Variants in PLXNA1 observed in about 807,000 individuals in gnomAD.
PLXNA1 encodes plexin-A1.
PLXNA1 carries 77 observed loss-of-function variants against 191.7 expected under a neutral mutation model. The ratio of observed to expected loss-of-function variants is 0.40; its 90% CI spans 0.33 to 0.49. The LOEUF (loss-of-function observed/expected upper bound fraction) is 0.49. PLXNA1 is among the 20% of genes least tolerant of loss of function. The pLI, the probability that PLXNA1 is intolerant of heterozygous loss-of-function variation, is 0.63. For synonymous variants in PLXNA1, 1,137 were observed against 1,156.4 expected (o/e 0.98, Z 0.34); for missense variants, 2,110 against 2,660.2 (o/e 0.79, Z 4.55).
At chr3:127,024,141 G>A (rs2079166198) in intron 23 of PLXNA1, among the ~76,000 whole-genome samples, 3 of 152,312 alleles carry the variant, frequency 2.0e-5, no homozygotes, top group South Asian at 2.1e-4. Flanking sequence ...AGCAGCAGGC[G>A]TCCTGGGTGA....
chr3:127,012,293 C>G (rs2079099941), intron 10 of PLXNA1, 135 bp downstream of exon 10: 3 of 915,682 alleles, frequency 3.3e-6, no homozygotes, highest in Admixed American at 2.4e-5. Context: ...GAGTCAGAAG[C>G]CACTCCTGGC....
At chr3:127,029,663 C>A in intron 27 of PLXNA1, 127 bp downstream of exon 27, 1 of 1,141,276 alleles carries the variant, frequency 8.8e-7, no homozygotes, top group East Asian at 2.5e-5. Flanking sequence ...GCCTGTCACT[C>A]GCACTCTTGG....
intron 17 of PLXNA1, 123 bp downstream of exon 17, chr3:127,017,160 C>T (rs1243667973): frequency 3.8e-6 from 4 of 1,051,632 alleles, no homozygotes; most frequent in Non-Finnish European, 4.2e-6. Context: ...TTATGCCAAC[C>T]TTGGCTGTGC....
At chr3:127,023,680 A>T (rs557861078) in intron 23 of PLXNA1, among the ~76,000 whole-genome samples, 1 of 152,344 alleles carries the variant, frequency 6.6e-6, no homozygotes, top group East Asian at 1.9e-4. Context: ...CTGCAGCCAG[A>T]TGCTGCTGAG....
At chr3:127,028,900 A>T in intron 25 of PLXNA1, 93 bp from the exon 26 acceptor site, 1 of 884,004 alleles carries the variant, frequency 1.1e-6, no homozygotes, top group Non-Finnish European at 1.8e-6. Flanking sequence ...TGGTGCTGAG[A>T]GCTGCAGGCA....
chr3:127,003,843 C>G (rs2079052862), intron 4 of PLXNA1, among the ~76,000 whole-genome samples: 2 of 152,216 alleles, frequency 1.3e-5, no homozygotes, highest in Admixed American at 1.3e-4. Flanking sequence ...CCACTGAGTC[C>G]TCAGGCCTAG....
At chr3:127,003,036 C>G (rs983535206) in intron 3 of PLXNA1, among the ~76,000 whole-genome samples, 4 of 152,174 alleles carry the variant, frequency 2.6e-5, no homozygotes, top group Non-Finnish European at 5.9e-5. Flanking sequence ...GTGGTGGGTG[C>G]TGGGCTGTGG....
In PLXNA1 at chr3:127,027,846, C is replaced by T. The variant is rs575651284; in HGVS notation, c.4363-94C>T. ...GGAAGTGCTGCTCATTTCTCCTTGC[C>T]AGGAACACCATGGCTGGCACTCGAC... On this transcript the variant is annotated intron_variant, in intron 23 of 31. Transcript: ENST00000393409. 9 of 1,545,016 alleles carry T rather than the reference C, an allele frequency of 5.8e-6. No homozygotes were observed. The African/African-American group carries it at 1.1e-4, about 19-fold the overall frequency.
chr3:127,025,087 C>T (rs1185800460), intron 23 of PLXNA1, among the ~76,000 whole-genome samples: 1 of 152,136 alleles, frequency 6.6e-6, no homozygotes, highest in Non-Finnish European at 1.5e-5. Context: ...CCACCCAGTG[C>T]CCCTCGTTTC....
rs896242925 is a variant in PLXNA1 at position 127,033,998 on chromosome 3, C to T, written c.5672C>T (p.Thr1891Met). 1.2e-5 allele frequency: 19 copies of T among 1,602,886 alleles called. No homozygotes were observed. The highest frequency in any genetic ancestry group is 1.5e-5 in the Non-Finnish European group (18 of 1,176,246). Residue 1891 changes from threonine to methionine, a missense_variant, in exon 32 of 32, where the codon ACG (threonine) becomes ATG (methionine). By Grantham distance (81) the Thr-to-Met change is moderately conservative (BLOSUM62 -1). Coordinates refer to ENST00000393409, the MANE Select transcript of PLXNA1 (RefSeq NM_032242.4). The part of the protein sequence containing the change: ...LRSKLEQVVD[T>M]MALSS The stretch of plus-strand genomic sequence containing the variant: ...AGCAAGCTGGAGCAGGTGGTGGACA[C>T]GATGGCCCTGAGCAGCTGAGCCCCA...
rs146539385 is a variant in PLXNA1, at chr3:127,011,938, C to G, written c.2113-20C>G. 9.0e-5 allele frequency: 144 copies of G among 1,606,182 alleles called. 2 individuals carry two copies. In the East Asian group the frequency reaches 3.2e-3, roughly 36 times the overall value. ...ACTGGTCTCCGCCCCCGGGCTCAGC[C>G]AAACTCTTCTTATCCCCAGGACTGC... On this transcript the variant is annotated intron_variant, in intron 9 of 31. Transcript: ENST00000393409.
At chr3:126,989,819 G>C (rs999745710) in intron 2 of PLXNA1, 32 bp downstream of exon 2, 2 of 1,543,978 alleles carry the variant, frequency 1.3e-6, no homozygotes, top group Non-Finnish European at 1.8e-6. Flanking sequence ...CTCCTCCCGC[G>C]GCCCCATCCC....
chr3:127,022,355 G>C lies in PLXNA1; in HGVS notation c.4295+14G>C, dbSNP rs574316462. On this transcript the variant is annotated intron_variant, in intron 22 of 31. Coordinates refer to ENST00000393409, the MANE Select transcript of PLXNA1 (RefSeq NM_032242.4). ...GCTACTGCGCCGGTGAGCCTGGGGG[G>C]CACTGGGGTTGGGGGAGGCAGGCCC... 5.0e-6 allele frequency: 8 copies of C among 1,602,668 alleles called. No homozygotes were observed. In the Admixed American group the frequency reaches 1.0e-4, roughly 20 times the overall value.
chr3:127,020,864 G>A (rs1304459005), intron 21 of PLXNA1, among the ~76,000 whole-genome samples: 3 of 152,254 alleles, frequency 2.0e-5, no homozygotes, highest in Non-Finnish European at 4.4e-5. Flanking sequence ...TTTGGGAGGG[G>A]AGCATGTGGC....
chr3:127,001,679 G>A (rs1404203285), intron 3 of PLXNA1, among the ~76,000 whole-genome samples: 2 of 152,250 alleles, frequency 1.3e-5, no homozygotes, highest in African/African-American at 4.8e-5. Context: ...CCACTCCCTG[G>A]TGGCTGTCTT....
chr3:127,028,107 T>A (rs1344656847), intron 24 of PLXNA1, 21 bp downstream of exon 24: 1 of 1,613,676 alleles, frequency 6.2e-7, no homozygotes, highest in East Asian at 2.2e-5. Flanking sequence ...CTGCCCTCTG[T>A]CCTGGGTGCC....
At chr3:127,020,707 T>C (rs1324837581) in intron 21 of PLXNA1, among the ~76,000 whole-genome samples, 1 of 152,212 alleles carries the variant, frequency 6.6e-6, no homozygotes, top group Non-Finnish European at 1.5e-5. Context: ...ACCTCCCCGG[T>C]GGCTGCCCCT....
In PLXNA1 at chr3:127,014,529, G is replaced by T; in HGVS notation, c.2656G>T (p.Gly886Cys). 6.2e-7 allele frequency: 1 copy of T among 1,610,192 alleles called. No individual in the cohort carries two copies. The change falls in exon 13 of 32, where the codon GGC becomes TGC. Residue 886 changes from glycine to cysteine, a missense_variant. By Grantham distance (159) the Gly-to-Cys change is radical. Coordinates refer to ENST00000393409, the MANE Select transcript of PLXNA1 (RefSeq NM_032242.4). ...GGGCGGCACGCGGCTCACTATCACAGGCGAGAACCTGGGCCTGCGATTCGA... is the reference window on the plus strand; with the variant it reads ...GGGCGGCACGCGGCTCACTATCACATGCGAGAACCTGGGCCTGCGATTCGA... ...RQGGTRLTIT[G>C]ENLGLRFEDV...
At position 127,018,627 on chromosome 3, in the gene PLXNA1, C is replaced by T. The variant is rs891755327; in HGVS notation, c.3895+99C>T. 6.6e-6 allele frequency: 6 copies of T among 908,396 alleles called. No homozygotes were observed. In the African/African-American group the frequency reaches 9.9e-5, roughly 15 times the overall value. 56.3% of individuals were successfully genotyped at this position (908,396 alleles called of 1,614,324 possible). The stretch of plus-strand genomic sequence containing the variant: ...TCCCACCGCCGCCCCCACCCTGCTT[C>T]AGCTCAGTTTACAATGTTCCTGATA... On this transcript the variant is annotated intron_variant, in intron 20 of 31. Coordinates refer to ENST00000393409, the MANE Select transcript of PLXNA1 (RefSeq NM_032242.4).
Sources: gnomAD v4.1 joint callset for allele counts (sites outside exome capture counted in the v4.1 genomes callset) on GRCh38, gnomAD v4.1.1 for gene constraint, MANE v1.5 for transcripts, NCBI Gene and HGNC (gene_info 2026-07-23, HGNC 2026-07-21) for gene names.